PPP2R1A: variants seen among roughly 807,000 people sequenced by gnomAD.
PPP2R1A encodes protein phosphatase 2 scaffold subunit Aalpha.
PPP2R1A carries 15 observed loss-of-function variants against 67.1 expected under a neutral mutation model. The ratio of observed to expected loss-of-function variants is 0.22; its 90% CI spans 0.15 to 0.34. The LOEUF is 0.34. Among genes scored for constraint, PPP2R1A ranks in the 10% least tolerant of loss-of-function variants. The pLI is 1.00. For synonymous variants in PPP2R1A, 337 were observed against 325.0 expected, an observed-to-expected ratio of 1.04 and a Z score of -0.40; for missense variants, 369 against 775.0, an observed-to-expected ratio of 0.48 and a Z score of 6.22.
At chr19:52,221,446 T>C (rs1978923293) in intron 12 of PPP2R1A, among the ~76,000 whole-genome samples, 1 of 152,184 alleles carries the variant, frequency 6.6e-6, no homozygotes, top group Non-Finnish European at 1.5e-5. Context: ...TGTGTCTCTA[T>C]CTGTGGTGCG....
chr19:52,201,972 C>G lies in PPP2R1A; in HGVS notation c.107C>G (p.Ser36Cys), dbSNP rs896282686. The G allele has an allele frequency of 6.2e-7, 1 of 1,614,006 alleles. No individual in the cohort carries two copies. The highest frequency in any genetic ancestry group is 8.5e-7 in the Non-Finnish European group (1 of 1,180,018). ...QLRLNSIKKL[S>C]TIALALGVER... Reference sequence around the variant, plus strand: ...CGCCTCAACAGCATCAAGAAGCTGTCCACCATCGCCTTGGCCCTTGGGGTT... The same window carrying G: ...CGCCTCAACAGCATCAAGAAGCTGTGCACCATCGCCTTGGCCCTTGGGGTT... Residue 36 changes from serine to cysteine, a missense_variant, in exon 2 of 15, where the codon TCC becomes TGC. Transcript: ENST00000322088.
chr19:52,201,590 G>A, intron 1 of PPP2R1A: 1 of 224,316 alleles, frequency 4.5e-6, no homozygotes, highest in South Asian at 7.2e-5. Flanking sequence ...TTAAAGTACA[G>A]TGCATTGGCA....
At chr19:52,223,455 C>T (rs1481717900) in intron 13 of PPP2R1A, among the ~76,000 whole-genome samples, 4 of 152,130 alleles carry the variant, frequency 2.6e-5, no homozygotes, top group Non-Finnish European at 5.9e-5. Flanking sequence ...ATGCAAGCCA[C>T]TGACTGGAGG....
chr19:52,224,554 C>G (rs1979136396), intron 13 of PPP2R1A, among the ~76,000 whole-genome samples: 1 of 152,124 alleles, frequency 6.6e-6, no homozygotes, highest in Non-Finnish European at 1.5e-5. Flanking sequence ...TGAAAGATAC[C>G]CATTTGCTGG....
rs147936940 is a variant in PPP2R1A, at chr19:52,225,132, C to T, written c.1662-585C>T. On this transcript the variant is annotated intron_variant, in intron 13 of 14. Transcript: ENST00000322088. ...TCCCAGGTTCCAGCAATTCTCCTGC[C>T]TCAGCCTCCCAAGTAGCTGGGATCA... Among the ~76,000 whole-genome samples, 958 of 151,382 alleles carry T rather than the reference C, an allele frequency of 6.3e-3. 9 individuals are homozygous for T. Among genetic ancestry groups the T allele is most frequent in the African/African-American group, 0.021 (870 of 41,144 alleles).
chr19:52,215,194 G>A (rs910090917), intron 6 of PPP2R1A, among the ~76,000 whole-genome samples: 4 of 151,984 alleles, frequency 2.6e-5, no homozygotes, highest in African/African-American at 4.8e-5. Context: ...TAGCTAGGAC[G>A]ATAGGTGCCT....
Position 52,190,192 on chromosome 19 carries a change from G to A in PPP2R1A, c.78+18G>A, listed in dbSNP as rs1045800330. 3.9e-6 allele frequency: 6 copies of A among 1,549,798 alleles called. No homozygotes were observed. The highest frequency in any genetic ancestry group is 5.2e-6 in the Non-Finnish European group (6 of 1,146,252). On this transcript the variant is annotated intron_variant, in intron 1 of 14. Transcript: ENST00000322088. The stretch of plus-strand genomic sequence containing the variant: ...ACGTTCAGGTCCGGAGGCTACGGGG[G>A]ACTTGGGGAAGACGCGGAGGGGTAC...
intron 1 of PPP2R1A, chr19:52,201,108 G>A (rs1179311462): frequency 6.6e-6 from 1 of 151,292 alleles, no homozygotes; most frequent in African/African-American, 2.4e-5. Context: ...CCGTTTTGAC[G>A]TGCACGTCAC....
chr19:52,216,677 G>C lies in PPP2R1A; in HGVS notation c.1128+14G>C. ...CTGAAGGATGAGGTAAGGGCACCAG[G>C]ATCTCAGCTCTGGGTTTGTGGAGGG... On this transcript the variant is annotated intron_variant, in intron 9 of 14. Transcript: ENST00000322088. The surrounding 1 kb of genome is among the most constrained non-coding windows in gnomAD (Gnocchi z 4.3). 6.2e-7 allele frequency: 1 copy of C among 1,614,114 alleles called. No homozygotes were observed. The highest frequency in any genetic ancestry group is 8.5e-7 in the Non-Finnish European group (1 of 1,180,018).
chr19:52,223,720 T>C (rs1402905502), intron 13 of PPP2R1A, among the ~76,000 whole-genome samples: 1 of 152,132 alleles, frequency 6.6e-6, no homozygotes, highest in Non-Finnish European at 1.5e-5. Flanking sequence ...GTGCAAATGG[T>C]GAAGACATAG....
At position 52,197,642 on chromosome 19, in the gene PPP2R1A, T is replaced by G. The variant is rs111669736; in HGVS notation, c.79-4302T>G. Among the ~76,000 whole-genome samples the G allele has an allele frequency of 2.8e-3, 419 of 152,160 alleles. 3 individuals carry two copies. Among genetic ancestry groups the G allele is most frequent in the African/African-American group, 9.6e-3 (398 of 41,500 alleles). Reference sequence around the variant, plus strand: ...GTGAGCTACGATTGTGCCACTGCACTCCAGCCTGGGTAACAGAGTGAGACC... The same window carrying G: ...GTGAGCTACGATTGTGCCACTGCACGCCAGCCTGGGTAACAGAGTGAGACC... On this transcript the variant is annotated intron_variant, in intron 1 of 14. Transcript: ENST00000322088.
intron 1 of PPP2R1A, 39 bp downstream of exon 1, chr19:52,190,213 G>A: frequency 6.5e-7 from 1 of 1,541,030 alleles, no homozygotes; most frequent in Non-Finnish European, 8.8e-7. Flanking sequence ...GACGCGGAGG[G>A]GTACCTGGGG....
At chr19:52,202,546 G>A (rs2089560697) in intron 2 of PPP2R1A, among the ~76,000 whole-genome samples, 1 of 152,228 alleles carries the variant, frequency 6.6e-6, no homozygotes, top group African/African-American at 2.4e-5. Context: ...TGATCTCACA[G>A]CAGTGCTTTA....
Position 52,212,088 on chromosome 19 carries a change from T to C in PPP2R1A, c.503+596T>C, listed in dbSNP as rs531995011. On this transcript the variant is annotated intron_variant, in intron 4 of 14. Transcript: ENST00000322088. This position sits in a 1 kb window ranked among gnomAD's most constrained non-coding sequence, Gnocchi z 4.1. ...CCTGCCTCTTAGTTAAGCAGTTTTT[T>C]GTTTGTTTGTTTTTTGAGATAGGAT... Among the ~76,000 whole-genome samples the C allele has an allele frequency of 2.7e-4, 41 of 152,306 alleles. No individual in the cohort carries two copies. The highest frequency in any genetic ancestry group is 9.6e-4 in the African/African-American group (40 of 41,562).
Position 52,213,674 on chromosome 19 carries a change from G to A in PPP2R1A, c.807+564G>A, listed in dbSNP as rs1454693056. Among the ~76,000 whole-genome samples the A allele has an allele frequency of 6.6e-6, 1 of 151,620 alleles. No individual in the cohort carries two copies. Among genetic ancestry groups the A allele is most frequent in the Non-Finnish European group, 1.5e-5 (1 of 67,904 alleles). On this transcript the variant is annotated intron_variant, in intron 6 of 14. Coordinates refer to ENST00000322088, the MANE Select transcript of PPP2R1A (RefSeq NM_014225.6). The surrounding 1 kb of genome is among the most constrained non-coding windows in gnomAD (Gnocchi z 4.2). ...GTTTTTGTATTTTTATTAGAGACGG[G>A]GTTTCACCATGTTGTTAGCCAGGCT...
chr19:52,216,784 T>C lies in PPP2R1A; in HGVS notation c.1128+121T>C. ...GATATCTCAACAGACATCCAGATCT[T>C]TGCTGAGTTGCATGTTTGTGGGCAT... On this transcript the variant is annotated intron_variant, in intron 9 of 14. Coordinates refer to ENST00000322088, the MANE Select transcript of PPP2R1A (RefSeq NM_014225.6). This position sits in a 1 kb window ranked among gnomAD's most constrained non-coding sequence, Gnocchi z 4.3. The C allele has an allele frequency of 6.9e-7, 1 of 1,446,674 alleles. No individual in the cohort carries two copies. Among genetic ancestry groups the C allele is most frequent in the Non-Finnish European group, 9.4e-7 (1 of 1,059,744 alleles). The allele number at this position is 1,446,674 out of a possible 1,614,324, so 89.6% of individuals were successfully genotyped here. A position where few individuals can be genotyped will look rare whatever the true frequency, so the allele number is the denominator to read the frequency against.
chr19:52,219,955 C>G lies in PPP2R1A; in HGVS notation c.1302+91C>G, dbSNP rs145874073. 590 of 1,456,860 alleles carry G rather than the reference C, an allele frequency of 4.0e-4. 4 individuals are homozygous for G. The African/African-American group carries it at 7.4e-3, about 18-fold the overall frequency. The allele number at this position is 1,456,860 out of a possible 1,614,324, so 90.2% of individuals were successfully genotyped here. On this transcript the variant is annotated intron_variant, in intron 10 of 14. Transcript: ENST00000322088. The surrounding 1 kb of genome is among the most constrained non-coding windows in gnomAD (Gnocchi z 4.0). ...TGATGGGGAAACGGGGCTTTGAAGG[C>G]TTAGTGGAGGCTGTGACAACTGCCT...
At chr19:52,192,602 C>T (rs187739404) in intron 1 of PPP2R1A, among the ~76,000 whole-genome samples, 311 of 152,252 alleles carry the variant, frequency 2.0e-3, no homozygotes, top group African/African-American at 7.2e-3. Context: ...GCGTGAGCCA[C>T]TATGCCCGGC....
chr19:52,201,615 G>A lies in PPP2R1A; in HGVS notation c.79-329G>A, dbSNP rs10418737. On this transcript the variant is annotated intron_variant, in intron 1 of 14. Coordinates refer to ENST00000322088, the MANE Select transcript of PPP2R1A (RefSeq NM_014225.6). ...GTGCATTGGCATGTTACATGATACT[G>A]TGTATAGGAGAAAGTGATGAAGAGA... is the stretch of plus-strand genomic sequence containing the variant. 2,494 of 320,348 alleles carry A rather than the reference G, an allele frequency of 7.8e-3. 62 individuals carry two copies. Among genetic ancestry groups the A allele is most frequent in the African/African-American group, 0.049 (2,338 of 47,458 alleles). 19.8% of individuals were successfully genotyped at this position (320,348 alleles called of 1,614,324 possible).
Sources: gnomAD v4.1 joint callset for allele counts (sites outside exome capture counted in the v4.1 genomes callset) on GRCh38, gnomAD v4.1.1 for gene constraint, Gnocchi (gnomAD v3.1) non-coding constraint, MANE v1.5 for transcripts, NCBI Gene and HGNC (gene_info 2026-07-23, HGNC 2026-07-21) for gene names.